The following PDZRN4 variants were observed in gnomAD, a reference collection of about 807,000 sequenced individuals.
PDZRN4 encodes the protein PDZ domain-containing RING finger protein 4.
A neutral mutation model predicts 99.0 loss-of-function variants in PDZRN4; 70 were observed. The observed-to-expected ratio is 0.71, with a 90% confidence interval of 0.58 to 0.86. The LOEUF is 0.86. Among genes scored for constraint, PDZRN4 ranks in the 40% least tolerant of loss-of-function variants. PDZRN4 has a pLI of 0.00. For missense variants in PDZRN4, 1,474 were observed against 1,331.2 expected, an observed-to-expected ratio of 1.11 and a Z score of -1.67; for synonymous variants, 551 against 501.6, an observed-to-expected ratio of 1.10 and a Z score of -1.32.
At chr12:41,256,682 T>C (rs1398153264) in intron 3 of PDZRN4, among the ~76,000 whole-genome samples, 1 of 152,210 alleles carries the variant, frequency 6.6e-6, no homozygotes, top group Non-Finnish European at 1.5e-5. Flanking sequence ...TTCATTTGGC[T>C]GGATCATGAC....
At chr12:41,216,151 T>C (rs1014204223) in intron 3 of PDZRN4, among the ~76,000 whole-genome samples, 4 of 151,982 alleles carry the variant, frequency 2.6e-5, no homozygotes, top group African/African-American at 9.7e-5. Flanking sequence ...ATAGGCCAAA[T>C]CCAGAGTGAG....
intron 3 of PDZRN4, among the ~76,000 whole-genome samples, chr12:41,462,684 T>G (rs1328427534): frequency 6.6e-6 from 1 of 152,152 alleles, no homozygotes; most frequent in Admixed American, 6.5e-5. Context: ...AAATCAAGTT[T>G]AAAAAATGTG....
chr12:41,534,219 C>T (rs952497676), intron 5 of PDZRN4, among the ~76,000 whole-genome samples: 20 of 152,186 alleles, frequency 1.3e-4, no homozygotes, highest in African/African-American at 4.6e-4. Flanking sequence ...CTTTGCTTTT[C>T]GTTCCTTTTT....
At chr12:41,462,919 C>G (rs1952886288) in intron 3 of PDZRN4, among the ~76,000 whole-genome samples, 1 of 152,140 alleles carries the variant, frequency 6.6e-6, no homozygotes, top group Non-Finnish European at 1.5e-5. Flanking sequence ...CACTGTCAAA[C>G]TCTTGGTGCA....
At chr12:41,535,539 G>T (rs35032376) in intron 5 of PDZRN4, among the ~76,000 whole-genome samples, 2 of 152,024 alleles carry the variant, frequency 1.3e-5, no homozygotes, top group Non-Finnish European at 2.9e-5. Context: ...ATGTATAATA[G>T]GCAACTGTTA....
intron 3 of PDZRN4, among the ~76,000 whole-genome samples, chr12:41,476,845 AG>A (rs1485547553): frequency 1.3e-5 from 2 of 152,204 alleles, no homozygotes; most frequent in Non-Finnish European, 1.5e-5. Flanking sequence ...TTAATTGGGA[AG>A]CTGCAGATGC....
chr12:41,492,573 C>T (rs906144558), intron 3 of PDZRN4, among the ~76,000 whole-genome samples: 5 of 152,078 alleles, frequency 3.3e-5, no homozygotes, highest in African/African-American at 1.2e-4. Context: ...GAGTCTCATT[C>T]AGTCATTTAA....
At chr12:41,222,341 C>A (rs1377068185) in intron 3 of PDZRN4, among the ~76,000 whole-genome samples, 1 of 152,142 alleles carries the variant, frequency 6.6e-6, no homozygotes, top group Non-Finnish European at 1.5e-5. Context: ...GTCCACCTCA[C>A]CTATTTAGAC....
At chr12:41,221,981 A>G (rs59215090) in intron 3 of PDZRN4, among the ~76,000 whole-genome samples, 4,774 of 152,298 alleles carry the variant, frequency 0.031, 253 homozygotes, top group African/African-American at 0.11. Context: ...ACAACAAAGA[A>G]CAAAGTTTGT....
intron 3 of PDZRN4, among the ~76,000 whole-genome samples, chr12:41,365,117 GA>G (rs1280474468): frequency 6.6e-6 from 1 of 151,832 alleles, no homozygotes; most frequent in Non-Finnish European, 1.5e-5. Flanking sequence ...TTTTTTTCTC[GA>G]AAACTTAAAT....
intron 3 of PDZRN4, among the ~76,000 whole-genome samples, chr12:41,305,322 G>T (rs907930771): frequency 1.3e-5 from 2 of 152,132 alleles, no homozygotes; most frequent in African/African-American, 4.8e-5. Flanking sequence ...AGAAAACTTG[G>T]GAAGACTTGG....
rs1288861010 is a variant in PDZRN4 at position 41,526,718 on chromosome 12, AT to A, written c.1203+16806del. On this transcript the variant is annotated intron_variant, in intron 5 of 9. Transcript: ENST00000402685. ...ACTTTATGCACATAAGTAGTCAAAG[AT>A]ATAAAATTTTGCTGCTTCACAGTCT... Among the ~76,000 whole-genome samples the A allele has an allele frequency of 3.3e-5, 5 of 152,348 alleles. No homozygotes were observed. In the East Asian group the frequency reaches 9.6e-4, roughly 29 times the overall value.
At chr12:41,523,055 G>C (rs1269116988) in intron 5 of PDZRN4, among the ~76,000 whole-genome samples, 6 of 152,138 alleles carry the variant, frequency 3.9e-5, no homozygotes, top group African/African-American at 1.4e-4. Context: ...AGCCTGAAGT[G>C]CACTCAAATC....
chr12:41,222,104 A>G (rs1159864878), intron 3 of PDZRN4, among the ~76,000 whole-genome samples: 3 of 152,180 alleles, frequency 2.0e-5, no homozygotes, highest in African/African-American at 7.2e-5. Context: ...GAGTTCCAGC[A>G]TATGACCAGA....
chr12:41,270,202 A>C (rs946472737), intron 3 of PDZRN4, among the ~76,000 whole-genome samples: 14 of 152,022 alleles, frequency 9.2e-5, no homozygotes, highest in African/African-American at 3.4e-4. Flanking sequence ...TAGATGTAAC[A>C]ATAGATTTTA....
intron 3 of PDZRN4, among the ~76,000 whole-genome samples, chr12:41,302,869 T>C (rs1163515840): frequency 3.3e-5 from 5 of 151,880 alleles, no homozygotes; most frequent in East Asian, 1.9e-4. Context: ...TAAATCACAT[T>C]ATAAATTTTT....
chr12:41,272,502 G>A (rs894304520), intron 3 of PDZRN4, among the ~76,000 whole-genome samples: 2 of 151,836 alleles, frequency 1.3e-5, no homozygotes, highest in African/African-American at 2.4e-5. Context: ...TTAAATCTTT[G>A]CAGCTACTTA....
At chr12:41,468,243 A>G (rs993183735) in intron 3 of PDZRN4, among the ~76,000 whole-genome samples, 2 of 152,180 alleles carry the variant, frequency 1.3e-5, no homozygotes, top group Non-Finnish European at 2.9e-5. Context: ...GAATATTTAG[A>G]ATGACCTCCC....
intron 5 of PDZRN4, among the ~76,000 whole-genome samples, chr12:41,546,406 A>C (rs1009533857): frequency 9.2e-5 from 14 of 152,202 alleles, no homozygotes; most frequent in Non-Finnish European, 1.6e-4. Context: ...TGGTTATCAA[A>C]ATACTCGTAT....
Sources: gnomAD v4.1 joint callset for allele counts (sites outside exome capture counted in the v4.1 genomes callset) on GRCh38, gnomAD v4.1.1 for gene constraint, MANE v1.5 for transcripts, NCBI Gene and HGNC (gene_info 2026-07-23, HGNC 2026-07-21) for gene names.